PLCB1: variants seen among roughly 807,000 people sequenced by gnomAD.
The protein encoded by PLCB1 is 1-phosphatidylinositol 4,5-bisphosphate phosphodiesterase beta-1.
In PLCB1, 46 loss-of-function variants were observed where a neutral mutation model predicts 161.8. The observed-to-expected ratio is 0.28, with a 90% CI of 0.22 to 0.36. The LOEUF is 0.36. Ranked by LOEUF, PLCB1 falls within the 10% of genes least tolerant of loss-of-function variation. PLCB1 has a pLI of 1.00. For missense variants in PLCB1, 1,016 were observed against 1,472.5 expected, an observed-to-expected ratio of 0.69 and a Z score of 5.07; for synonymous variants, 517 against 503.7, an observed-to-expected ratio of 1.03 and a Z score of -0.35.
At chr20:8,656,227 T>G (rs1989453896) in intron 7 of PLCB1, among the ~76,000 whole-genome samples, 1 of 152,058 alleles carries the variant, frequency 6.6e-6, no homozygotes, top group South Asian at 2.1e-4. Flanking sequence ...AAGGAAATAT[T>G]ACTTCATTCA....
At chr20:8,709,644 G>A (rs1036777377) in intron 12 of PLCB1, among the ~76,000 whole-genome samples, 2 of 152,154 alleles carry the variant, frequency 1.3e-5, no homozygotes, top group African/African-American at 4.8e-5. Flanking sequence ...GAGTTCACTA[G>A]ATCTTAAAGA....
Position 8,788,742 on chromosome 20 carries a change from T to G in PLCB1, c.3278+20T>G. On this transcript the variant is annotated intron_variant, in intron 29 of 31. Transcript: ENST00000338037. ...GGAAGAGTAAGTCAAAAGTGTCCCC[T>G]CTCCCAAACAGTTCATCTGGGAATT... 1 of 1,468,566 alleles carries G rather than the reference T, an allele frequency of 6.8e-7. No individual in the cohort carries two copies. The highest frequency in any genetic ancestry group is 9.5e-7 in the Non-Finnish European group (1 of 1,057,802). The allele number at this position is 1,468,566 out of a possible 1,614,324, so 91.0% of individuals were successfully genotyped here. A position where few individuals can be genotyped will look rare whatever the true frequency, so the allele number is the denominator to read the frequency against.
intron 31 of PLCB1, among the ~76,000 whole-genome samples, chr20:8,830,810 T>C (rs987198945): frequency 4.1e-4 from 62 of 152,300 alleles, no homozygotes; most frequent in African/African-American, 1.4e-3. Context: ...AGATTTTGCA[T>C]AGATGTCACA....
chr20:8,818,695 G>T (rs1345295361), intron 31 of PLCB1, among the ~76,000 whole-genome samples: 1 of 151,920 alleles, frequency 6.6e-6, no homozygotes, highest in Non-Finnish European at 1.5e-5. Flanking sequence ...ATCAAACAAG[G>T]TCTATTATAA....
intron 7 of PLCB1, among the ~76,000 whole-genome samples, chr20:8,655,402 G>A (rs1311404379): frequency 3.3e-5 from 5 of 152,046 alleles, no homozygotes; most frequent in East Asian, 1.9e-4. Context: ...ATCCTAGCTC[G>A]TGTACATCTG....
chr20:8,288,131 A>C (rs949996692), intron 2 of PLCB1, among the ~76,000 whole-genome samples: 1 of 152,140 alleles, frequency 6.6e-6, no homozygotes, highest in African/African-American at 2.4e-5. Flanking sequence ...TTCTTGGCTG[A>C]ACTTGAAGGC....
rs147780366 is a variant in PLCB1, at chr20:8,149,856, A to T, written c.100-438A>T. Among the ~76,000 whole-genome samples the T allele has an allele frequency of 4.9e-4, 74 of 152,250 alleles. No individual in the cohort carries two copies. The East Asian group carries it at 0.013, about 26-fold the overall frequency. On this transcript the variant is annotated intron_variant, in intron 1 of 31. Transcript: ENST00000338037. ...TGGCCTTATTTACTGTTACCTTGGAAACAGTGATGCTCAAATACTATGTTT... is the reference window on the plus strand; with the variant it reads ...TGGCCTTATTTACTGTTACCTTGGATACAGTGATGCTCAAATACTATGTTT...
chr20:8,858,120 T>C (rs56162320), intron 31 of PLCB1, among the ~76,000 whole-genome samples: 24,933 of 152,170 alleles, frequency 0.16, 2,097 homozygotes, highest in South Asian at 0.24. Flanking sequence ...TTAGCTTTAC[T>C]TGAGGCCTAT....
At chr20:8,866,275 A>G (rs780967146) in intron 31 of PLCB1, among the ~76,000 whole-genome samples, 12 of 152,220 alleles carry the variant, frequency 7.9e-5, no homozygotes, top group Non-Finnish European at 1.3e-4. Context: ...ACCTGGGGGT[A>G]AGGAAAGTGT....
intron 2 of PLCB1, among the ~76,000 whole-genome samples, chr20:8,197,551 G>A (rs1383123169): frequency 6.6e-6 from 1 of 152,028 alleles, no homozygotes; most frequent in Non-Finnish European, 1.5e-5. Flanking sequence ...TGTAGATTCT[G>A]GATATTAGCC....
intron 2 of PLCB1, among the ~76,000 whole-genome samples, chr20:8,346,440 A>G (rs1369771363): frequency 6.6e-6 from 1 of 152,216 alleles, no homozygotes; most frequent in Admixed American, 6.5e-5. Flanking sequence ...CTTTGCACCA[A>G]AGCAAGGCCC....
chr20:8,823,874 C>T (rs1293527984), intron 31 of PLCB1, among the ~76,000 whole-genome samples: 1 of 151,964 alleles, frequency 6.6e-6, no homozygotes, highest in Non-Finnish European at 1.5e-5. Flanking sequence ...ACACTTTCCA[C>T]CATATCACAA....
chr20:8,876,912 T>G (rs1366394596), intron 31 of PLCB1, among the ~76,000 whole-genome samples: 1 of 152,092 alleles, frequency 6.6e-6, no homozygotes, highest in African/African-American at 2.4e-5. Context: ...CAGCATATAC[T>G]TTTGACACAT....
At position 8,780,570 on chromosome 20, in the gene PLCB1, A is replaced by G. The variant is rs537325521; in HGVS notation, c.3111+5851A>G. 1.2e-4 allele frequency among the ~76,000 whole-genome samples: 19 copies of G among 152,152 alleles called. No individual in the cohort carries two copies. The South Asian group carries it at 2.5e-3, about 20-fold the overall frequency. ...CTGAATGGCTCGCGTTCTTCTTACA[A>G]TCCTCATGTCTGTCCCACCAGCAAT... On this transcript the variant is annotated intron_variant, in intron 27 of 31. Coordinates refer to ENST00000338037, the MANE Select transcript of PLCB1 (RefSeq NM_015192.4).
chr20:8,657,360 G>A lies in PLCB1; in HGVS notation c.695+76G>A, dbSNP rs765099205. On this transcript the variant is annotated intron_variant, in intron 8 of 31. Transcript: ENST00000338037. ...AGGTGGCTAGAGCAGGACTTGGAGT[G>A]GTAATTGGAGATGGAAGAACATCAT... is the stretch of plus-strand genomic sequence containing the variant. 14 of 838,628 alleles carry A rather than the reference G, an allele frequency of 1.7e-5. No homozygotes were observed. The Admixed American group carries it at 2.1e-4, about 12-fold the overall frequency. The allele number at this position is 838,628 out of a possible 1,614,324, so 51.9% of individuals were successfully genotyped here.
intron 3 of PLCB1, among the ~76,000 whole-genome samples, chr20:8,587,741 G>T (rs755612854): frequency 6.6e-6 from 1 of 152,102 alleles, no homozygotes; most frequent in Non-Finnish European, 1.5e-5. Context: ...GTTCATCCTG[G>T]AATTTGTGTA....
chr20:8,499,683 A>T (rs1032057065), intron 3 of PLCB1, among the ~76,000 whole-genome samples: 1 of 152,212 alleles, frequency 6.6e-6, no homozygotes, highest in African/African-American at 2.4e-5. Flanking sequence ...CAACTCTGAC[A>T]TTTGTAATAA....
intron 4 of PLCB1, among the ~76,000 whole-genome samples, chr20:8,637,510 A>T (rs1988799614): frequency 6.6e-6 from 1 of 152,226 alleles, no homozygotes; most frequent in Admixed American, 6.5e-5. Flanking sequence ...AAGATGACAG[A>T]TAAATGAAAA....
chr20:8,782,902 C>A (rs1983311217), intron 27 of PLCB1, among the ~76,000 whole-genome samples: 1 of 152,178 alleles, frequency 6.6e-6, no homozygotes, highest in African/African-American at 2.4e-5. Context: ...TTAGAAGAGA[C>A]TCCAAACATA....
Sources: allele counts gnomAD v4.1 joint callset (sites outside exome capture counted in the v4.1 genomes callset), GRCh38; gene constraint gnomAD v4.1.1; transcripts MANE v1.5; gene names NCBI Gene and HGNC (gene_info 2026-07-23, HGNC 2026-07-21).